Variants in TUBB6 observed in about 807,000 individuals in gnomAD.
TUBB6 encodes the protein tubulin beta-6 chain.
TUBB6 carries 18 observed loss-of-function variants against 32.3 expected under a neutral mutation model. The observed-to-expected ratio is 0.56, with a 90% CI of 0.39 to 0.83. The LOEUF (loss-of-function observed/expected upper bound fraction) is 0.83. TUBB6 is among the 40% of genes least tolerant of loss of function. TUBB6 has a pLI of 0.00. For missense variants in TUBB6, 480 were observed against 632.0 expected, an observed-to-expected ratio of 0.76 and a Z score of 2.58; for synonymous variants, 280 against 265.8, an observed-to-expected ratio of 1.05 and a Z score of -0.52.
chr18:12,325,445 C>T lies in TUBB6; in HGVS notation c.656C>T (p.Thr219Met), dbSNP rs1328856142. The T allele has an allele frequency of 1.2e-6, 2 of 1,614,256 alleles. No homozygotes were observed. Among genetic ancestry groups the T allele is most frequent in the East Asian group, 4.5e-5 (2 of 44,882 alleles). The change falls in exon 4 of 4, where the codon ACG becomes ATG. Residue 219 changes from threonine to methionine, a missense_variant. Physicochemically the swap from Thr to Met is moderately conservative, Grantham distance 81 (BLOSUM62 -1). Coordinates refer to ENST00000317702, the MANE Select transcript of TUBB6 (RefSeq NM_032525.3). The part of the protein sequence containing the change: ...DICFRTLKLT[T>M]PTYGDLNHLV... ...TGCTTCCGCACTCTGAAGCTGACAA[C>T]GCCCACCTACGGGGACCTCAACCAC...
At chr18:12,329,724 C>CAA (rs757726488), downstream of TUBB6, 1 of 1,614,132 alleles carries the variant, frequency 6.2e-7, no homozygotes, top group South Asian at 1.1e-5. Flanking sequence ...GTCTGGGGCC[C>CAA]AAAAGTTCAA....
chr18:12,329,506 G>T, downstream of TUBB6: 1 of 1,541,264 alleles, frequency 6.5e-7, no homozygotes, highest in Non-Finnish European at 9.0e-7. Context: ...AGCCACAGCT[G>T]AAATAATGCA....
intron 3 of TUBB6, among the ~76,000 whole-genome samples, chr18:12,316,321 T>G (rs1158823710): frequency 1.3e-5 from 2 of 152,246 alleles, no homozygotes; most frequent in Non-Finnish European, 2.9e-5. Context: ...TTCTAGCTGT[T>G]GACAAATGGG....
intron 3 of TUBB6, among the ~76,000 whole-genome samples, chr18:12,323,816 A>G (rs1598810516): frequency 6.6e-6 from 1 of 152,244 alleles, no homozygotes; most frequent in East Asian, 1.9e-4. Context: ...CTCAAAAAAA[A>G]AAAGCACCAT....
chr18:12,326,126 G>C lies in TUBB6; in HGVS notation c.1337G>C (p.Gly446Ala), dbSNP rs1041855621. Residue 446 changes from glycine (G) to alanine (A), a missense_variant, in exon 4 of 4, where the codon GGA becomes GCA. Gly to Ala is a moderately conservative substitution (Grantham distance 60). Coordinates refer to ENST00000317702, the MANE Select transcript of TUBB6 (RefSeq NM_032525.3). The part of the protein sequence containing the change: ...AFEDEEEEID[G>A] ...GAGGATGAGGAAGAGGAGATCGATG[G>C]ATAGTCGGAATAGAGCCGCCCCAAC... 3 of 1,610,778 alleles carry C rather than the reference G, an allele frequency of 1.9e-6. No homozygotes were observed. Among genetic ancestry groups the C allele is most frequent in the Admixed American group, 3.3e-5 (2 of 59,934 alleles).
chr18:12,309,117 G>A (rs1363929618), intron 2 of TUBB6, among the ~76,000 whole-genome samples: 1 of 152,168 alleles, frequency 6.6e-6, no homozygotes, highest in Non-Finnish European at 1.5e-5. Context: ...TTGGGAGGCC[G>A]AGACTGGAGG....
intron 3 of TUBB6, among the ~76,000 whole-genome samples, chr18:12,322,696 C>G (rs954670038): frequency 6.6e-6 from 1 of 152,126 alleles, no homozygotes; most frequent in Non-Finnish European, 1.5e-5. Flanking sequence ...GACAAGATTT[C>G]TCATATATGT....
At chr18:12,327,777 T>A (rs948792280), downstream of TUBB6, among the ~76,000 whole-genome samples, 3 of 152,178 alleles carry the variant, frequency 2.0e-5, no homozygotes. Context: ...GTCGGTGCTA[T>A]CTGGCTTTGT....
intron 3 of TUBB6, among the ~76,000 whole-genome samples, chr18:12,313,561 C>G (rs1360555128): frequency 2.6e-5 from 4 of 152,174 alleles, no homozygotes; most frequent in African/African-American, 9.7e-5. Flanking sequence ...CACTGGGGAA[C>G]ACATCCTATT....
At chr18:12,322,127 C>T (rs1363699022) in intron 3 of TUBB6, among the ~76,000 whole-genome samples, 1 of 150,892 alleles carries the variant, frequency 6.6e-6, no homozygotes, top group Admixed American at 6.7e-5. Flanking sequence ...GTGGTGAAAC[C>T]CTCTCTCTAC....
chr18:12,320,212 G>T (rs968219459), intron 3 of TUBB6, among the ~76,000 whole-genome samples: 11 of 151,880 alleles, frequency 7.2e-5, no homozygotes, highest in African/African-American at 2.4e-4. Flanking sequence ...GGGTAGCAGT[G>T]GAAGACCCCA....
In TUBB6 at chr18:12,325,614, C is replaced by T; in HGVS notation, c.825C>T (p.Ser275=). 6 of 1,613,810 alleles carry T rather than the reference C, an allele frequency of 3.7e-6. No individual in the cohort carries two copies. Among genetic ancestry groups the T allele is most frequent in the Non-Finnish European group, 5.1e-6 (6 of 1,179,940 alleles). Residue 275 remains serine, a synonymous_variant, in exon 4 of 4, where the codon AGC becomes AGT. Coordinates refer to ENST00000317702, the MANE Select transcript of TUBB6 (RefSeq NM_032525.3). ...FFMPGFAPLT[S]RGSQQYRALT... Reference sequence around the variant, plus strand: ...TGCCTGGCTTCGCGCCGCTCACCAGCCGCGGCAGCCAGCAGTACCGGGCCC... The same window carrying T: ...TGCCTGGCTTCGCGCCGCTCACCAGTCGCGGCAGCCAGCAGTACCGGGCCC...
intron 3 of TUBB6, among the ~76,000 whole-genome samples, chr18:12,321,432 G>A (rs779794666): frequency 1.3e-5 from 2 of 152,166 alleles, no homozygotes; most frequent in African/African-American, 2.4e-5. Context: ...GAGCAGGCCC[G>A]TGTCCCAAAT....
At chr18:12,322,075 CG>C (rs1304834029) in intron 3 of TUBB6, among the ~76,000 whole-genome samples, 2 of 151,854 alleles carry the variant, frequency 1.3e-5, no homozygotes, top group Non-Finnish European at 2.9e-5. Context: ...CCGAGGTGGG[CG>C]GATCACTTGA....
rs199952871 is a variant in TUBB6, at chr18:12,308,670, G to T, written c.58-17G>T. The T allele has an allele frequency of 3.2e-6, 5 of 1,567,476 alleles. No homozygotes were observed. The East Asian group carries it at 1.1e-4, about 35-fold the overall frequency. On this transcript the variant is annotated splice_polypyrimidine_tract_variant and intron_variant, in intron 1 of 3. Transcript: ENST00000317702. ...CTGGGTTCTGAGCGTCTGTCCCCCC[G>T]CCTTGCCCTGCCCAAGTTTTGGGAA...
At chr18:12,310,120 CT>C (rs1906281606) in intron 2 of TUBB6, among the ~76,000 whole-genome samples, 1 of 152,200 alleles carries the variant, frequency 6.6e-6, no homozygotes. Context: ...GGAACCTCCT[CT>C]GCCAGGTCAT....
At chr18:12,313,066 A>G (rs933884308) in intron 3 of TUBB6, among the ~76,000 whole-genome samples, 2 of 151,624 alleles carry the variant, frequency 1.3e-5, no homozygotes, top group African/African-American at 2.4e-5. Flanking sequence ...AAAAACTTCT[A>G]TGTAAGCTGG....
intron 3 of TUBB6, among the ~76,000 whole-genome samples, chr18:12,317,036 A>G (rs2144144878): frequency 6.6e-6 from 1 of 152,066 alleles, no homozygotes; most frequent in South Asian, 2.1e-4. Context: ...AGTGCCTGTA[A>G]TCCCAGCTAC....
chr18:12,310,529 A>C (rs1906318054), intron 2 of TUBB6, among the ~76,000 whole-genome samples: 1 of 150,642 alleles, frequency 6.6e-6, no homozygotes, highest in Non-Finnish European at 1.5e-5. Flanking sequence ...ACTCTGGAGT[A>C]CAGTGGCATA....
Sources: gnomAD v4.1 joint callset for allele counts (sites outside exome capture counted in the v4.1 genomes callset) on GRCh38, gnomAD v4.1.1 for gene constraint, MANE v1.5 for transcripts, NCBI Gene and HGNC (gene_info 2026-07-23, HGNC 2026-07-21) for gene names.